CCDC134: variants seen among roughly 807,000 people sequenced by gnomAD.
CCDC134 encodes the protein coiled-coil domain containing 134.
In CCDC134, 27 loss-of-function variants were observed where a neutral mutation model predicts 25.6. That is an observed-to-expected ratio of 1.05 (90% CI 0.78 to 1.45). CCDC134 has a LOEUF of 1.45. CCDC134 is among the 40% of genes most tolerant of loss of function. The pLI is 0.00. For missense variants in CCDC134, 261 were observed against 286.7 expected (o/e 0.91, Z 0.65); for synonymous variants, 110 against 115.0 (o/e 0.96, Z 0.28).
intron 6 of CCDC134, among the ~76,000 whole-genome samples, chr22:41,819,035 G>A (rs1320679812): frequency 1.3e-5 from 2 of 152,164 alleles, no homozygotes; most frequent in African/African-American, 4.8e-5. Flanking sequence ...CATAACCACA[G>A]CAGCAACATA....
chr22:41,810,346 G>T, intron 4 of CCDC134, 55 bp downstream of exon 4: 2 of 1,481,838 alleles, frequency 1.3e-6, no homozygotes, highest in Non-Finnish European at 9.3e-7. Flanking sequence ...TTCTCTAGCT[G>T]CTCCTTCTCT....
chr22:41,808,029 G>T (rs916149352), intron 1 of CCDC134, among the ~76,000 whole-genome samples: 1 of 151,824 alleles, frequency 6.6e-6, no homozygotes, highest in Non-Finnish European at 1.5e-5. Context: ...GCATGGTGGC[G>T]CATGCGTGTA....
intron 1 of CCDC134, among the ~76,000 whole-genome samples, chr22:41,804,802 G>T (rs576098991): frequency 1.3e-5 from 2 of 152,362 alleles, no homozygotes; most frequent in African/African-American, 4.8e-5. Flanking sequence ...GGGCACAGTG[G>T]CTCACGCCTG....
chr22:41,817,582 A>G (rs750924983), intron 6 of CCDC134, among the ~76,000 whole-genome samples: 13 of 151,968 alleles, frequency 8.6e-5, no homozygotes, highest in Non-Finnish European at 1.3e-4. Context: ...AAATACAAAA[A>G]TTAGCCGGGC....
At chr22:41,819,963 T>TTACATATA (rs2076641033) in intron 6 of CCDC134, among the ~76,000 whole-genome samples, 1 of 82,628 alleles carries the variant, frequency 1.2e-5, no homozygotes, top group Non-Finnish European at 2.1e-5. Flanking sequence ...ACTTACCACT[T>TTACATATA]TATATATATA....
At chr22:41,816,209 G>T (rs115250196) in intron 6 of CCDC134, among the ~76,000 whole-genome samples, 3 of 152,140 alleles carry the variant, frequency 2.0e-5, no homozygotes, top group Non-Finnish European at 2.9e-5. Flanking sequence ...CACATGTTAC[G>T]CTTGATTTGA....
Position 41,828,421 on chromosome 22 carries a change from G to C in CCDC134, c.*2598G>C, listed in dbSNP as rs987173018. Reference sequence around the variant, plus strand: ...ATGCAGAGCCAAAGAGTGGGGCCTGGTCTTGAACTATCTCCTCATCTGCCC... The same window carrying C: ...ATGCAGAGCCAAAGAGTGGGGCCTGCTCTTGAACTATCTCCTCATCTGCCC... On this transcript the variant is annotated 3_prime_UTR_variant, in exon 7 of 7. Transcript: ENST00000255784. Among the ~76,000 whole-genome samples, 5 of 152,116 alleles carry C rather than the reference G, an allele frequency of 3.3e-5. No homozygotes were observed. The highest frequency in any genetic ancestry group is 1.2e-4 in the African/African-American group (5 of 41,400).
rs1055780765 is a variant in CCDC134 at position 41,829,721 on chromosome 22, A to G, written c.*3898A>G. On this transcript the variant is annotated 3_prime_UTR_variant, in exon 7 of 7. Transcript: ENST00000255784. ...GTAGCACATGCCCAATCCATGGTAGATATCGAAACATAGTGGTTACCCAGT... is the reference window on the plus strand; with the variant it reads ...GTAGCACATGCCCAATCCATGGTAGGTATCGAAACATAGTGGTTACCCAGT... 6.6e-6 allele frequency among the ~76,000 whole-genome samples: 1 copy of G among 152,188 alleles called. No individual in the cohort carries two copies. Among genetic ancestry groups the G allele is most frequent in the Non-Finnish European group, 1.5e-5 (1 of 68,024 alleles).
intron 6 of CCDC134, among the ~76,000 whole-genome samples, chr22:41,814,139 C>T (rs1602240066): frequency 6.6e-6 from 1 of 152,316 alleles, no homozygotes; most frequent in South Asian, 2.1e-4. Flanking sequence ...GGAGATCAGG[C>T]CATGCTCTTC....
At chr22:41,804,934 G>T (rs2076561059) in intron 1 of CCDC134, among the ~76,000 whole-genome samples, 1 of 152,220 alleles carries the variant, frequency 6.6e-6, no homozygotes, top group African/African-American at 2.4e-5. Flanking sequence ...GTCAGACATG[G>T]TAGTGCTCGC....
At chr22:41,811,750 C>G (rs992730179) in intron 4 of CCDC134, among the ~76,000 whole-genome samples, 1 of 152,150 alleles carries the variant, frequency 6.6e-6, no homozygotes, top group African/African-American at 2.4e-5. Context: ...GTTTATACAG[C>G]AAGCTTTTAG....
At chr22:41,809,824 C>T in intron 2 of CCDC134, 55 bp from the exon 3 acceptor site, 3 of 1,607,390 alleles carry the variant, frequency 1.9e-6, no homozygotes, top group Non-Finnish European at 1.7e-6. Context: ...GGCAAGACTG[C>T]TGGATTGTCC....
chr22:41,807,537 G>A (rs943181188), intron 1 of CCDC134, among the ~76,000 whole-genome samples: 2 of 151,138 alleles, frequency 1.3e-5, no homozygotes, highest in African/African-American at 4.9e-5. Context: ...ACTCCAGCCT[G>A]GGCAGCAGAG....
intron 6 of CCDC134, among the ~76,000 whole-genome samples, chr22:41,824,597 T>G (rs1419831208): frequency 1.3e-5 from 2 of 152,058 alleles, no homozygotes; most frequent in Non-Finnish European, 2.9e-5. Flanking sequence ...CTGGCTCTAC[T>G]AAAAATACAA....
intron 6 of CCDC134, among the ~76,000 whole-genome samples, chr22:41,815,683 TGCTCTGTCACCCAA>T (rs1050437112): frequency 2.0e-5 from 3 of 152,064 alleles, no homozygotes; most frequent in Non-Finnish European, 2.9e-5. Flanking sequence ...GACAGGGTCT[TGCTCTGTCACCCAA>T]GCTCTGTCAC....
rs2076692970 is a variant in CCDC134 at position 41,829,088 on chromosome 22, G to A, written c.*3265G>A. Among the ~76,000 whole-genome samples the A allele has an allele frequency of 6.6e-6, 1 of 152,174 alleles. No homozygotes were observed. Among genetic ancestry groups the A allele is most frequent in the Non-Finnish European group, 1.5e-5 (1 of 68,040 alleles). ...GCATCCCGGCCTCTCCCTGCCAGGT[G>A]CCTGTAGCAGTCCCCCAGTTACGAC... On this transcript the variant is annotated 3_prime_UTR_variant, in exon 7 of 7. Transcript: ENST00000255784.
chr22:41,819,767 G>A (rs1382897681), intron 6 of CCDC134, among the ~76,000 whole-genome samples: 1 of 151,680 alleles, frequency 6.6e-6, no homozygotes, highest in Non-Finnish European at 1.5e-5. Context: ...AGTCATCTGT[G>A]TATCCCAAGG....
intron 5 of CCDC134, 87 bp downstream of exon 5, chr22:41,813,532 G>A (rs569717328): frequency 8.9e-6 from 13 of 1,457,136 alleles, no homozygotes; most frequent in South Asian, 1.2e-5. Flanking sequence ...GGGCCTGAAC[G>A]TCAGTGCTTG....
chr22:41,825,637 AGCTCAGAGCAG>A lies in CCDC134; in HGVS notation c.565-56_565-46del. The A allele has an allele frequency of 6.2e-7, 1 of 1,602,252 alleles. No homozygotes were observed. The highest frequency in any genetic ancestry group is 8.5e-7 in the Non-Finnish European group (1 of 1,173,246). On this transcript the variant is annotated intron_variant, in intron 6 of 6. Transcript: ENST00000255784. The surrounding 1 kb of genome is among the most constrained non-coding windows in gnomAD (Gnocchi z 4.4). ...TATTCCCACACCCCGCTGGTGGCCT[AGCTCAGAGCAG>A]GCTCTTTGCTGCCACAGACTAAATC...
Sources: allele counts gnomAD v4.1 joint callset (sites outside exome capture counted in the v4.1 genomes callset), GRCh38; gene constraint gnomAD v4.1.1; non-coding constraint Gnocchi (gnomAD v3.1); transcripts MANE v1.5; gene names NCBI Gene and HGNC (gene_info 2026-07-23, HGNC 2026-07-21).